UMAD1: variants seen among roughly 807,000 people sequenced by gnomAD.
UMAD1 encodes the protein UBAP1-MVB12-associated (UMA) domain containing 1, also known as UBAP1-MVB12-associated (UMA)-domain containing protein 1.
In UMAD1, 8 loss-of-function variants were observed where a neutral mutation model predicts 6.1. The observed-to-expected ratio is 1.30, with a 90% confidence interval of 0.76 to 2.35. UMAD1 has a LOEUF of 2.35. Among genes scored for constraint, UMAD1 ranks in the 30% most tolerant of loss-of-function variants. The pLI is 0.00. For synonymous variants in UMAD1, 56 were observed against 31.4 expected, an observed-to-expected ratio of 1.78 and a Z score of -2.61; for missense variants, 130 against 78.4, an observed-to-expected ratio of 1.66 and a Z score of -2.49.
Position 7,861,708 on chromosome 7 carries a change from A to G in UMAD1, c.157-15573A>G, listed in dbSNP as rs572258670. On this transcript the variant is annotated intron_variant, in intron 3 of 3. Coordinates refer to ENST00000682710, the MANE Select transcript of UMAD1 (RefSeq NM_001302348.2). ...TGTTTCCAAGTATGTGGATTACTCTATATATCAAATTCAAATTACACAGAA... is the reference window on the plus strand; with the variant it reads ...TGTTTCCAAGTATGTGGATTACTCTGTATATCAAATTCAAATTACACAGAA... Among the ~76,000 whole-genome samples the G allele has an allele frequency of 7.0e-4, 106 of 152,330 alleles. 1 individual carries two copies. The highest frequency in any genetic ancestry group is 2.4e-3 in the African/African-American group (99 of 41,572).
chr7:7,697,360 T>C (rs1780346464), intron 2 of UMAD1, among the ~76,000 whole-genome samples: 1 of 152,264 alleles, frequency 6.6e-6, no homozygotes, highest in Non-Finnish European at 1.5e-5. Flanking sequence ...CAGCATTTAA[T>C]TTGTTTTCTT....
chr7:7,845,799 C>T (rs557930824), intron 3 of UMAD1, among the ~76,000 whole-genome samples: 1 of 152,200 alleles, frequency 6.6e-6, no homozygotes, highest in East Asian at 1.9e-4. Context: ...TTTCCTTGCA[C>T]ACTTGTAATA....
chr7:7,801,892 A>T, intron 3 of UMAD1, 149 bp downstream of exon 3: 1 of 610,300 alleles, frequency 1.6e-6, no homozygotes, highest in Admixed American at 3.0e-5. Context: ...AAGTCAGTGG[A>T]GAGCAGTACA....
intron 2 of UMAD1, among the ~76,000 whole-genome samples, chr7:7,712,822 G>C (rs1352131632): frequency 1.3e-5 from 2 of 152,032 alleles, no homozygotes; most frequent in African/African-American, 2.4e-5. Flanking sequence ...TTTTTGGGTT[G>C]CTCCTGGTTG....
chr7:7,707,154 A>C (rs1772023551), intron 2 of UMAD1, among the ~76,000 whole-genome samples: 1 of 152,104 alleles, frequency 6.6e-6, no homozygotes, highest in Non-Finnish European at 1.5e-5. Flanking sequence ...ATTTGAGGAG[A>C]TGGAATAAAC....
At chr7:7,810,589 A>G (rs990713280) in intron 3 of UMAD1, among the ~76,000 whole-genome samples, 7 of 152,180 alleles carry the variant, frequency 4.6e-5, no homozygotes, top group African/African-American at 1.7e-4. Context: ...AAGATGATGT[A>G]ATACATAAAA....
intron 3 of UMAD1, among the ~76,000 whole-genome samples, chr7:7,871,629 T>G (rs1399342255): frequency 6.6e-6 from 1 of 152,186 alleles, no homozygotes; most frequent in Non-Finnish European, 1.5e-5. Flanking sequence ...TCATCCTAGT[T>G]GTCTTCATCA....
At chr7:7,873,534 A>G (rs952482328) in intron 3 of UMAD1, among the ~76,000 whole-genome samples, 1 of 152,250 alleles carries the variant, frequency 6.6e-6, no homozygotes, top group African/African-American at 2.4e-5. Context: ...AAGCTTTATC[A>G]TAATAGAGTA....
At chr7:7,780,537 T>A (rs1782324085) in intron 2 of UMAD1, among the ~76,000 whole-genome samples, 1 of 152,226 alleles carries the variant, frequency 6.6e-6, no homozygotes. Context: ...ACGATAAGTT[T>A]GATAACCTTT....
intron 3 of UMAD1, among the ~76,000 whole-genome samples, chr7:7,815,258 A>T (rs1345343318): frequency 6.6e-6 from 1 of 152,136 alleles, no homozygotes; most frequent in Admixed American, 6.5e-5. Context: ...CAGGGTTACT[A>T]TAAGAATTTG....
intron 3 of UMAD1, among the ~76,000 whole-genome samples, chr7:7,829,099 G>C (rs1438528301): frequency 2.0e-5 from 3 of 152,126 alleles, no homozygotes; most frequent in African/African-American, 7.2e-5. Flanking sequence ...TCTTGTCAAT[G>C]TTCTTTTTCT....
chr7:7,646,351 A>C (rs1486582781), intron 1 of UMAD1, among the ~76,000 whole-genome samples: 1 of 151,892 alleles, frequency 6.6e-6, no homozygotes, highest in East Asian at 1.9e-4. Context: ...CATAATTCCC[A>C]TGTGTTGTGG....
intron 2 of UMAD1, among the ~76,000 whole-genome samples, chr7:7,704,522 G>A (rs1056195714): frequency 1.5e-4 from 23 of 150,544 alleles, no homozygotes; most frequent in Admixed American, 1.2e-3. Flanking sequence ...TTGGGAAGCC[G>A]AGGTGGGCGG....
At chr7:7,781,715 T>C (rs1782348754) in intron 2 of UMAD1, among the ~76,000 whole-genome samples, 1 of 152,118 alleles carries the variant, frequency 6.6e-6, no homozygotes, top group Non-Finnish European at 1.5e-5. Context: ...TTGTATCTTC[T>C]ATATTAATTT....
At chr7:7,809,220 A>G (rs1401111749) in intron 3 of UMAD1, among the ~76,000 whole-genome samples, 4 of 151,966 alleles carry the variant, frequency 2.6e-5, no homozygotes. Context: ...TTGTTTATTC[A>G]GGTAATTTCA....
intron 3 of UMAD1, among the ~76,000 whole-genome samples, chr7:7,871,582 T>C (rs921527684): frequency 6.6e-6 from 1 of 152,216 alleles, no homozygotes; most frequent in Non-Finnish European, 1.5e-5. Context: ...CCTGACACAG[T>C]GTTCCGTATA....
rs148359482 is a variant in UMAD1 at position 7,827,940 on chromosome 7, A to T, written c.156+26197A>T. 1.2e-4 allele frequency among the ~76,000 whole-genome samples: 19 copies of T among 152,296 alleles called. No individual in the cohort carries two copies. The East Asian group carries it at 3.7e-3, about 29-fold the overall frequency. On this transcript the variant is annotated intron_variant, in intron 3 of 3. Transcript: ENST00000682710. Reference sequence around the variant, plus strand: ...TTCATAGAATCAGTTTTTAACCAAAATGTTATAGATGACTTTTGTTTGGCA... The same window carrying T: ...TTCATAGAATCAGTTTTTAACCAAATTGTTATAGATGACTTTTGTTTGGCA...
intron 1 of UMAD1, among the ~76,000 whole-genome samples, chr7:7,666,561 T>A (rs1049490590): frequency 6.6e-6 from 1 of 152,140 alleles, no homozygotes; most frequent in Non-Finnish European, 1.5e-5. Flanking sequence ...TGGTATCTCA[T>A]TGAGATTCTA....
intron 3 of UMAD1, among the ~76,000 whole-genome samples, chr7:7,824,281 G>T (rs1432219632): frequency 6.6e-6 from 1 of 152,030 alleles, no homozygotes; most frequent in Admixed American, 6.6e-5. Flanking sequence ...TAAAATCCAA[G>T]TTGATTAGCA....
Sources: allele counts gnomAD v4.1 joint callset (sites outside exome capture counted in the v4.1 genomes callset), GRCh38; gene constraint gnomAD v4.1.1; transcripts MANE v1.5; gene names NCBI Gene and HGNC (gene_info 2026-07-23, HGNC 2026-07-21).